Variants in SUN3 observed in about 807,000 individuals in gnomAD.
SUN3 encodes the protein Sad1 and UNC84 domain containing 3, also known as SUN domain-containing protein 3.
A neutral mutation model predicts 48.2 loss-of-function variants in SUN3; 36 were observed. That is an observed-to-expected ratio of 0.75 (90% CI 0.57 to 0.99). The LOEUF is 0.99. SUN3 is among the 50% of genes least tolerant of loss of function. The pLI is 0.00. For synonymous variants in SUN3, 148 were observed against 147.9 expected (o/e 1.00, Z 0.00); for missense variants, 419 against 433.1 (o/e 0.97, Z 0.29).
At chr7:48,004,593 C>T (rs1388739934) in intron 6 of SUN3, among the ~76,000 whole-genome samples, 1 of 152,236 alleles carries the variant, frequency 6.6e-6, no homozygotes, top group South Asian at 2.1e-4. Flanking sequence ...CGCAAACAGA[C>T]AGGGGAGCAG....
Position 48,007,275 on chromosome 7 carries a change from C to T in SUN3, c.382G>A (p.Glu128Lys), listed in dbSNP as rs145833872. 3.3e-5 allele frequency: 53 copies of T among 1,613,808 alleles called. No individual in the cohort carries two copies. The highest frequency in any genetic ancestry group is 1.1e-4 in the African/African-American group (8 of 74,886). Reference protein sequence around the residue: ...NNFRQILFLIEQIDVLKALLR... With the variant: ...NNFRQILFLIKQIDVLKALLR... Reference sequence around the variant, plus strand: ...AATGCCTTCAGGACATCTATTTGTTCGATCAAAAATAGAATTTGACGAAAA... The same window carrying T: ...AATGCCTTCAGGACATCTATTTGTTTGATCAAAAATAGAATTTGACGAAAA... The change falls in exon 5 of 10, where the codon GAA becomes AAA. Residue 128 changes from glutamate to lysine, a missense_variant. Glu to Lys is a moderately conservative substitution (Grantham distance 56). Transcript: ENST00000297325.
At chr7:47,988,673 G>A in intron 9 of SUN3, 115 bp downstream of exon 9, 1 of 592,016 alleles carries the variant, frequency 1.7e-6, no homozygotes, top group South Asian at 2.7e-5. Flanking sequence ...GATAAGCCTT[G>A]TGTAACTCAC....
intron 4 of SUN3, among the ~76,000 whole-genome samples, chr7:48,008,127 A>C (rs2881991): frequency 0.34 from 51,403 of 152,062 alleles, 9,553 homozygotes; most frequent in Middle Eastern, 0.53. Context: ...CCCGGCCAAG[A>C]ATGGGTTTTC....
chr7:48,026,453 T>G (rs906207821), intron 1 of SUN3, among the ~76,000 whole-genome samples: 2 of 152,100 alleles, frequency 1.3e-5, no homozygotes, highest in Non-Finnish European at 2.9e-5. Flanking sequence ...CAAATACGAT[T>G]TGTGCTCTTT....
At chr7:48,020,537 C>A (rs543699209) in intron 2 of SUN3, among the ~76,000 whole-genome samples, 2 of 152,196 alleles carry the variant, frequency 1.3e-5, no homozygotes, top group South Asian at 4.1e-4. Context: ...TCCTTGCTTG[C>A]TGATAATATG....
intron 2 of SUN3, among the ~76,000 whole-genome samples, chr7:48,020,614 T>C (rs988408193): frequency 6.6e-6 from 1 of 152,260 alleles, no homozygotes; most frequent in African/African-American, 2.4e-5. Context: ...ACAAAGTCAA[T>C]GTACAAAAAT....
chr7:48,006,486 A>G (rs527336280), intron 5 of SUN3, among the ~76,000 whole-genome samples: 17 of 152,308 alleles, frequency 1.1e-4, no homozygotes, highest in African/African-American at 4.1e-4. Context: ...ATGATTGCTT[A>G]TATTAGACAT....
At chr7:48,008,177 A>T (rs1789587897) in intron 4 of SUN3, among the ~76,000 whole-genome samples, 1 of 152,214 alleles carries the variant, frequency 6.6e-6, no homozygotes, top group Admixed American at 6.5e-5. Flanking sequence ...AGAGAAAAAG[A>T]AAATGTCAAG....
chr7:48,025,998 G>T (rs1790124551), intron 1 of SUN3, 60 bp from the exon 2 acceptor site: 5 of 1,199,746 alleles, frequency 4.2e-6, no homozygotes, highest in Non-Finnish European at 6.0e-6. Context: ...ATTTAACTTG[G>T]ACTTTAGCCA....
intron 8 of SUN3, among the ~76,000 whole-genome samples, chr7:47,989,959 A>G (rs1789005727): frequency 6.6e-6 from 1 of 152,268 alleles, no homozygotes; most frequent in African/African-American, 2.4e-5. Context: ...AGGGACACAA[A>G]ACACTGCGGA....
intron 3 of SUN3, among the ~76,000 whole-genome samples, chr7:48,012,983 C>T (rs1789723045): frequency 6.6e-6 from 1 of 152,216 alleles, no homozygotes; most frequent in Non-Finnish European, 1.5e-5. Flanking sequence ...ACTTCACAGC[C>T]TCCAGAACTG....
intron 3 of SUN3, among the ~76,000 whole-genome samples, chr7:48,009,301 T>C (rs1463886411): frequency 6.6e-6 from 1 of 152,104 alleles, no homozygotes; most frequent in Non-Finnish European, 1.5e-5. Flanking sequence ...ATTTAATGAG[T>C]GACATTCAAC....
chr7:48,017,309 A>G lies in SUN3; in HGVS notation c.241T>C (p.Leu81=), dbSNP rs980944063. The G allele has an allele frequency of 1.2e-6, 2 of 1,610,280 alleles. No individual in the cohort carries two copies. The highest frequency in any genetic ancestry group is 3.3e-5 in the Admixed American group (2 of 59,776). ...CCATATTCTGCAATTATGGCATATA[A>G]TTGTCTGGATTTCTGAGGAACATCT... is the stretch of plus-strand genomic sequence containing the variant. The part of the protein sequence containing the change: ...ETDVPQKSRQ[L]YAIIAEYGSR... The change falls in exon 3 of 10, where the codon TTA becomes CTA. Residue 81 remains leucine, a synonymous_variant. Transcript: ENST00000297325.
intron 6 of SUN3, among the ~76,000 whole-genome samples, chr7:47,998,999 T>A (rs1244785721): frequency 6.6e-6 from 1 of 152,206 alleles, no homozygotes; most frequent in Non-Finnish European, 1.5e-5. Flanking sequence ...CCATTCCACA[T>A]ACATTTTGAA....
intron 2 of SUN3, among the ~76,000 whole-genome samples, chr7:48,018,208 C>G (rs1330907687): frequency 6.6e-6 from 1 of 152,044 alleles, no homozygotes; most frequent in Non-Finnish European, 1.5e-5. Flanking sequence ...CAGCTTAGAG[C>G]CAAGCTGCAA....
At chr7:48,016,980 A>G (rs1789832461) in intron 3 of SUN3, among the ~76,000 whole-genome samples, 1 of 152,170 alleles carries the variant, frequency 6.6e-6, no homozygotes, top group African/African-American at 2.4e-5. Context: ...TCAGGTGACT[A>G]TCCCACTCCA....
chr7:48,025,772 C>A, intron 2 of SUN3, 105 bp downstream of exon 2: 1 of 716,080 alleles, frequency 1.4e-6, no homozygotes, highest in South Asian at 2.1e-5. Context: ...CCAGCACTTT[C>A]CGTGGCATTT....
At chr7:48,000,871 T>TTTG (rs1789344554) in intron 6 of SUN3, among the ~76,000 whole-genome samples, 1 of 151,808 alleles carries the variant, frequency 6.6e-6, no homozygotes, top group African/African-American at 2.4e-5. Flanking sequence ...ATTTATGGTT[T>TTTG]TTTTTTTTTA....
chr7:48,006,552 C>T (rs768346190), intron 5 of SUN3, among the ~76,000 whole-genome samples: 7 of 151,740 alleles, frequency 4.6e-5, no homozygotes, highest in African/African-American at 1.2e-4. Context: ...TTCTAAAAAA[C>T]GAACAAACAA....
Sources: gnomAD v4.1 joint callset for allele counts (sites outside exome capture counted in the v4.1 genomes callset) on GRCh38, gnomAD v4.1.1 for gene constraint, MANE v1.5 for transcripts, NCBI Gene and HGNC (gene_info 2026-07-23, HGNC 2026-07-21) for gene names.